The following MRPS28 variants were observed in gnomAD, a reference collection of about 807,000 sequenced individuals.
MRPS28 encodes small ribosomal subunit protein bS1m.
In MRPS28, 7 loss-of-function variants were observed where a neutral mutation model predicts 10.8. That is an observed-to-expected ratio of 0.65 (90% CI 0.37 to 1.22). MRPS28 has a LOEUF of 1.22. Among genes scored for constraint, MRPS28 ranks in the 50% most tolerant of loss-of-function variants. The pLI, the probability that MRPS28 is intolerant of heterozygous loss-of-function variation, is 0.02. For missense variants in MRPS28, 265 were observed against 232.9 expected, an observed-to-expected ratio of 1.14 and a Z score of -0.90; for synonymous variants, 121 against 93.3, an observed-to-expected ratio of 1.30 and a Z score of -1.71.
intron 2 of MRPS28, among the ~76,000 whole-genome samples, chr8:79,981,588 A>G (rs185226307): frequency 7.9e-5 from 12 of 152,378 alleles, no homozygotes; most frequent in East Asian, 7.7e-4. Flanking sequence ...AATGGTAAGT[A>G]AAATAGAAGT....
intron 2 of MRPS28, among the ~76,000 whole-genome samples, chr8:79,961,651 AC>A (rs1478221538): frequency 6.6e-6 from 1 of 152,140 alleles, no homozygotes; most frequent in African/African-American, 2.4e-5. Context: ...TATGGCCAAA[AC>A]AAAAGAGTGG....
intron 2 of MRPS28, among the ~76,000 whole-genome samples, chr8:79,944,721 G>T (rs1806862490): frequency 7.3e-6 from 1 of 137,052 alleles, no homozygotes. Flanking sequence ...TTTGAGACAA[G>T]GTCTCACTCT....
chr8:79,983,351 C>CT (rs1808034283), intron 2 of MRPS28, among the ~76,000 whole-genome samples: 1 of 152,212 alleles, frequency 6.6e-6, no homozygotes, highest in African/African-American at 2.4e-5. Context: ...ACTGGAAACT[C>CT]TAAAAAGCAG....
intron 2 of MRPS28, among the ~76,000 whole-genome samples, chr8:79,974,433 G>A (rs143412211): frequency 1.3e-5 from 2 of 151,764 alleles, no homozygotes; most frequent in Non-Finnish European, 2.9e-5. Context: ...CCAGCTACTC[G>A]GGAGGCTGAG....
intron 2 of MRPS28, among the ~76,000 whole-genome samples, chr8:79,984,913 C>G (rs114866899): frequency 6.6e-6 from 1 of 152,154 alleles, no homozygotes; most frequent in African/African-American, 2.4e-5. Context: ...CTCAGCTTTG[C>G]ACCACGCGGA....
At chr8:79,951,666 C>T (rs987980318) in intron 2 of MRPS28, among the ~76,000 whole-genome samples, 5 of 152,142 alleles carry the variant, frequency 3.3e-5, no homozygotes, top group African/African-American at 4.8e-5. Flanking sequence ...TAATTCTGGC[C>T]AACAGTATAT....
chr8:79,957,546 C>CAAAAAA (rs35772888), intron 2 of MRPS28, among the ~76,000 whole-genome samples: 3 of 84,968 alleles, frequency 3.5e-5, no homozygotes, highest in African/African-American at 4.6e-5. Flanking sequence ...CTTGTCTCTA[C>CAAAAAA]AAAAAAAAAA....
intron 2 of MRPS28, among the ~76,000 whole-genome samples, chr8:79,977,695 C>T (rs1367477494): frequency 1.3e-5 from 2 of 151,810 alleles, no homozygotes; most frequent in Non-Finnish European, 2.9e-5. Flanking sequence ...TGGATGCCTA[C>T]AGTTCCAACT....
chr8:79,948,425 T>C (rs1211612150), intron 2 of MRPS28, among the ~76,000 whole-genome samples: 1 of 152,256 alleles, frequency 6.6e-6, no homozygotes, highest in African/African-American at 2.4e-5. Flanking sequence ...ATAAAGACTG[T>C]TCCACTTCTT....
intron 2 of MRPS28, among the ~76,000 whole-genome samples, chr8:79,972,664 T>C (rs904670068): frequency 1.1e-4 from 17 of 152,304 alleles, no homozygotes; most frequent in African/African-American, 3.9e-4. Flanking sequence ...TTAGTTTCTG[T>C]TAACAGGTAA....
intron 2 of MRPS28, among the ~76,000 whole-genome samples, chr8:79,986,872 T>G (rs1808197190): frequency 6.6e-6 from 1 of 152,138 alleles, no homozygotes. Context: ...ATAGATTCAA[T>G]GCCATCCCCA....
At chr8:80,020,274 T>TAA (rs540342334) in intron 1 of MRPS28, among the ~76,000 whole-genome samples, 153 of 152,224 alleles carry the variant, frequency 1.0e-3, no homozygotes, top group Middle Eastern at 6.8e-3. Flanking sequence ...TTACTAGACT[T>TAA]AAAGAGTCAT....
chr8:79,962,874 C>T (rs1807408920), intron 2 of MRPS28, among the ~76,000 whole-genome samples: 1 of 152,040 alleles, frequency 6.6e-6, no homozygotes, highest in South Asian at 2.1e-4. Context: ...ATGTTTGCTC[C>T]TTAGATCACT....
chr8:79,973,846 A>G (rs933756747), intron 2 of MRPS28, among the ~76,000 whole-genome samples: 2 of 151,762 alleles, frequency 1.3e-5, no homozygotes, highest in African/African-American at 4.8e-5. Flanking sequence ...TAATAAAAAA[A>G]AAAAAAAGAA....
Position 79,965,750 on chromosome 8 carries a change from G to T in MRPS28, c.395+37249C>A, listed in dbSNP as rs112096403. ...TGAAAAAATAACTGCTTTGAGAGTAGATGCTTTAAGCATATAAGTGATAAC... is the reference window on the plus strand; with the variant it reads ...TGAAAAAATAACTGCTTTGAGAGTATATGCTTTAAGCATATAAGTGATAAC... On this transcript the variant is annotated intron_variant, in intron 2 of 2. Coordinates refer to ENST00000276585, the MANE Select transcript of MRPS28 (RefSeq NM_014018.3). 6.4e-3 allele frequency among the ~76,000 whole-genome samples: 971 copies of T among 152,146 alleles called. 11 individuals are homozygous for T. Among genetic ancestry groups the T allele is most frequent in the African/African-American group, 0.021 (866 of 41,546 alleles).
rs763888552 is a variant in MRPS28, at chr8:80,002,973, A to T, written c.395+26T>A. ...ATCCCAACTTTTATGAATACTCTTA[A>T]GGTACTTGGAAATGATTTTACTTAC... On this transcript the variant is annotated intron_variant, in intron 2 of 2. Transcript: ENST00000276585. 2.6e-6 allele frequency: 4 copies of T among 1,517,958 alleles called. No homozygotes were observed. The East Asian group carries it at 9.3e-5, about 35-fold the overall frequency. 94.0% of individuals were successfully genotyped at this position (1,517,958 alleles called of 1,614,324 possible).
At chr8:79,960,649 G>C (rs796700655) in intron 2 of MRPS28, among the ~76,000 whole-genome samples, 25 of 152,160 alleles carry the variant, frequency 1.6e-4, no homozygotes, top group African/African-American at 6.0e-4. Flanking sequence ...AGTTTTATTA[G>C]TTAGGATTTA....
chr8:79,961,234 C>G (rs1659780278), intron 2 of MRPS28, among the ~76,000 whole-genome samples: 1 of 152,064 alleles, frequency 6.6e-6, no homozygotes, highest in South Asian at 2.1e-4. Context: ...AATTGGAATT[C>G]AGGAGAAATG....
chr8:80,018,198 C>G (rs938655524), intron 1 of MRPS28, among the ~76,000 whole-genome samples: 35 of 134,456 alleles, frequency 2.6e-4, no homozygotes, highest in African/African-American at 9.3e-4. Flanking sequence ...GAGGCTGAGG[C>G]GGGAGAATGG....
Sources: gnomAD v4.1 joint callset for allele counts (sites outside exome capture counted in the v4.1 genomes callset) on GRCh38, gnomAD v4.1.1 for gene constraint, MANE v1.5 for transcripts, NCBI Gene and HGNC (gene_info 2026-07-23, HGNC 2026-07-21) for gene names.